The following MYH9 variants were observed in gnomAD, a reference collection of about 807,000 sequenced individuals.
MYH9 encodes myosin-9.
Under a neutral mutation model 241.9 loss-of-function variants are expected in MYH9, and 29 were observed. The observed-to-expected ratio is 0.12, with a 90% CI of 0.09 to 0.16. The LOEUF (loss-of-function observed/expected upper bound fraction) is 0.16, where lower values mean the gene tolerates loss of function less well. Among genes scored for constraint, MYH9 ranks in the 10% least tolerant of loss-of-function variants. The probability of loss-of-function intolerance (pLI) is 1.00; values close to 1 mark genes in which losing one functional copy is unlikely to be tolerated. For synonymous variants in MYH9, 1,047 were observed against 1,062.6 expected (o/e 0.99, Z 0.29); for missense variants, 1,803 against 2,595.5 (o/e 0.69, Z 6.63).
At position 36,312,154 on chromosome 22, in the gene MYH9, G is replaced by A. The variant is rs1250135251; in HGVS notation, c.1623C>T (p.Ser541=). The A allele has an allele frequency of 5.6e-6, 9 of 1,614,110 alleles. No homozygotes were observed. The African/African-American group carries it at 1.2e-4, about 22-fold the overall frequency. ...GCTCCTGCATCACCTTCTCCACGAA[G>A]CTCTTGTCGGTGGCTTTGGGGAACC... The part of the protein sequence containing the change: ...ECWFPKATDK[S]FVEKVMQEQG... Residue 541 remains serine (S), a synonymous_variant, in exon 14 of 41, where the codon AGC becomes AGT. Transcript: ENST00000216181.
chr22:36,297,341 G>A lies in MYH9; in HGVS notation c.3101-327C>T, dbSNP rs1459767817. On this transcript the variant is annotated intron_variant, in intron 24 of 40. Transcript: ENST00000216181. The stretch of plus-strand genomic sequence containing the variant: ...CTCTAAAAAACATGTTCAATTGTGT[G>A]TGAATCTGAACTTATATAATGGAAC... 5 of 333,328 alleles carry A rather than the reference G, an allele frequency of 1.5e-5. No individual in the cohort carries two copies. The East Asian group carries it at 3.5e-4, about 23-fold the overall frequency. The allele number at this position is 333,328 out of a possible 1,614,324, so 20.6% of individuals were successfully genotyped here.
chr22:36,323,379 C>T (rs1376000320), intron 5 of MYH9, among the ~76,000 whole-genome samples: 1 of 152,256 alleles, frequency 6.6e-6, no homozygotes. Context: ...GCAACAGGCC[C>T]ATGCCACCAG....
Position 36,293,065 on chromosome 22 carries a change from T to C in MYH9, c.4095+264A>G, listed in dbSNP as rs908432846. Among the ~76,000 whole-genome samples, 2 of 152,216 alleles carry C rather than the reference T, an allele frequency of 1.3e-5. No individual in the cohort carries two copies. Among genetic ancestry groups the C allele is most frequent in the African/African-American group, 4.8e-5 (2 of 41,456 alleles). ...CATGGCTTGCTGCCTACATCCATAA[T>C]GGAAGCAATGCTGAATTTCAGCTAA... On this transcript the variant is annotated intron_variant, in intron 30 of 40. Transcript: ENST00000216181. The surrounding 1 kb of genome is among the most constrained non-coding windows in gnomAD (Gnocchi z 5.1).
Position 36,349,101 on chromosome 22 carries a change from G to A in MYH9, c.136C>T (p.Leu46Phe), listed in dbSNP as rs147122501. Residue 46 changes from leucine to phenylalanine, a missense_variant, in exon 2 of 41, where the codon CTC (leucine) becomes TTC (phenylalanine). By Grantham distance (22) the Leu-to-Phe change is conservative. Transcript: ENST00000216181. ...SDKSGFEPAS[L>F]KEEVGEEAIV... ...GCCTCTTCGCCCACCTCCTCCTTGA[G>A]GCTGGCTGGCTCAAAGCCACTCTTG... 4.5e-3 allele frequency: 7,296 copies of A among 1,614,202 alleles called. 74 individuals are homozygous for A. Among genetic ancestry groups the A allele is most frequent in the Non-Finnish European group, 3.8e-3 (4,484 of 1,180,044 alleles).
chr22:36,314,172 C>T lies in MYH9; in HGVS notation c.1527G>A (p.Gln509=). 1 of 1,614,224 alleles carries T rather than the reference C, an allele frequency of 6.2e-7. No individual in the cohort carries two copies. The highest frequency in any genetic ancestry group is 8.5e-7 in the Non-Finnish European group (1 of 1,180,020). The change falls in exon 13 of 41, where the codon CAG becomes CAA. Residue 509 remains glutamine (Q), a synonymous_variant. Coordinates refer to ENST00000216181, the MANE Select transcript of MYH9 (RefSeq NM_002473.6). The part of the protein sequence containing the change: ...WNFIDFGLDL[Q]PCIDLIEKPA... ...GCTTCTCAATGAGGTCGATGCAGGG[C>T]TGCAGGTCGAGGCCAAAGTCGATGA...
chr22:36,371,443 G>C (rs2018088490), intron 1 of MYH9, among the ~76,000 whole-genome samples: 1 of 152,174 alleles, frequency 6.6e-6, no homozygotes. Context: ...CCTTGATCTT[G>C]CATTTCCAGC....
intron 2 of MYH9, among the ~76,000 whole-genome samples, chr22:36,345,084 G>C (rs925667495): frequency 6.6e-6 from 1 of 152,098 alleles, no homozygotes; most frequent in Non-Finnish European, 1.5e-5. Context: ...AGGCCGAGGC[G>C]GGAGGATCAC....
intron 27 of MYH9, 67 bp downstream of exon 27, chr22:36,294,865 T>G: frequency 6.3e-7 from 1 of 1,598,106 alleles, no homozygotes. Context: ...GCAGGACTGG[T>G]TTGGATTCTG....
At chr22:36,283,723 C>T (rs1377623821) in intron 40 of MYH9, among the ~76,000 whole-genome samples, 4 of 152,286 alleles carry the variant, frequency 2.6e-5, no homozygotes, top group African/African-American at 9.6e-5. Context: ...TGAGTGTTAA[C>T]ACTCCCTGAG....
At chr22:36,384,594 AAAAAAAAAAAAAAAAAAATATATATATAT>A (rs1245633644) in intron 1 of MYH9, among the ~76,000 whole-genome samples, 2 of 40,352 alleles carry the variant, frequency 5.0e-5, no homozygotes, top group Non-Finnish European at 9.8e-5. Flanking sequence ...AAAAAAAAAA[AAAAAAAAAAAAAAAAAAATATATATATAT>A]ATATATATAT....
intron 1 of MYH9, among the ~76,000 whole-genome samples, chr22:36,368,494 T>C (rs184592925): frequency 5.9e-5 from 9 of 152,224 alleles, no homozygotes; most frequent in Non-Finnish European, 1.0e-4. Flanking sequence ...AGGCGTCACA[T>C]AGGACCTGGT....
intron 14 of MYH9, among the ~76,000 whole-genome samples, chr22:36,310,522 C>A (rs2017044302): frequency 6.6e-6 from 1 of 152,264 alleles, no homozygotes; most frequent in South Asian, 2.1e-4. Context: ...ACACAAACTG[C>A]AGCCCAGAGG....
In MYH9 at chr22:36,370,545, C is replaced by T. The variant is rs898625336; in HGVS notation, c.-20+17262G>A. Among the ~76,000 whole-genome samples, 12 of 152,348 alleles carry T rather than the reference C, an allele frequency of 7.9e-5. No homozygotes were observed. In the East Asian group the frequency reaches 1.7e-3, roughly 22 times the overall value. ...GTGGCATAAGCGAAGCATTTGGCAA[C>T]GCACGCTCGAACCGCAGCCATCCAA... is the stretch of plus-strand genomic sequence containing the variant. On this transcript the variant is annotated intron_variant, in intron 1 of 40. Transcript: ENST00000216181.
In MYH9 at chr22:36,303,604, C is replaced by T. The variant is rs530453530; in HGVS notation, c.2390+391G>A. Reference sequence around the variant, plus strand: ...TCGAGACCAGCCTGGGCAACAATGACGAAACCCCGTCTCTACTAAAAATAC... The same window carrying T: ...TCGAGACCAGCCTGGGCAACAATGATGAAACCCCGTCTCTACTAAAAATAC... On this transcript the variant is annotated intron_variant, in intron 19 of 40. Coordinates refer to ENST00000216181, the MANE Select transcript of MYH9 (RefSeq NM_002473.6). Among the ~76,000 whole-genome samples the T allele has an allele frequency of 1.7e-4, 26 of 151,644 alleles. No individual in the cohort carries two copies. The South Asian group carries it at 2.3e-3, about 13-fold the overall frequency.
intron 3 of MYH9, among the ~76,000 whole-genome samples, chr22:36,335,486 C>G (rs557023120): frequency 6.6e-6 from 1 of 152,334 alleles, no homozygotes; most frequent in Non-Finnish European, 1.5e-5. Flanking sequence ...CATGGCGCTC[C>G]TTCCTCAGCT....
chr22:36,320,670 A>ACTCTCACTTCTCC lies in MYH9; in HGVS notation c.868+115_868+127dup. On this transcript the variant is annotated intron_variant, in intron 8 of 40. Coordinates refer to ENST00000216181, the MANE Select transcript of MYH9 (RefSeq NM_002473.6). The surrounding 1 kb of genome is among the most constrained non-coding windows in gnomAD (Gnocchi z 4.8). ...TAGGATGGCGCAGAGAACAGGAGTC[A>ACTCTCACTTCTCC]CTCTCACTTCTCCCCGTTAAACCCA... is the stretch of plus-strand genomic sequence containing the variant. 1.3e-6 allele frequency: 1 copy of ACTCTCACTTCTCC among 799,188 alleles called. No homozygotes were observed. Among genetic ancestry groups the ACTCTCACTTCTCC allele is most frequent in the Non-Finnish European group, 2.1e-6 (1 of 475,796 alleles). 49.5% of individuals were successfully genotyped at this position (799,188 alleles called of 1,614,324 possible). A position where few individuals can be genotyped will look rare whatever the true frequency, so the allele number is the denominator to read the frequency against.
chr22:36,294,102 G>A lies in MYH9; in HGVS notation c.3827C>T (p.Thr1276Ile). Residue 1276 changes from threonine (T) to isoleucine (I), a missense_variant, in exon 28 of 41, where the codon ACC becomes ATC. Physicochemically the swap from Thr to Ile is moderately conservative, Grantham distance 89. Transcript: ENST00000216181. ...RVRTELADKV[T>I]KLQVELDNVT... is the part of the protein sequence containing the mutation. ...TGGCGGAGGCCTCACCTGCAGCTTG[G>A]TGACCTTGTCGGCCAGCTCTGTGCG... 9 of 1,608,958 alleles carry A rather than the reference G, an allele frequency of 5.6e-6. No individual in the cohort carries two copies. The highest frequency in any genetic ancestry group is 7.6e-6 in the Non-Finnish European group (9 of 1,179,894).
rs876657892 is a variant in MYH9 at position 36,288,899 on chromosome 22, T to C, written c.4598A>G (p.Gln1533Arg). 2.5e-6 allele frequency: 4 copies of C among 1,614,114 alleles called. No homozygotes were observed. The highest frequency in any genetic ancestry group is 3.4e-6 in the Non-Finnish European group (4 of 1,180,034). The change falls in exon 33 of 41, where the codon CAG becomes CGG. Residue 1533 changes from glutamine (Q) to arginine (R), a missense_variant. This residue lies in a region of MYH9 where 876 missense variants were observed against 1,077.8 expected (regional missense o/e 0.81). Coordinates refer to ENST00000216181, the MANE Select transcript of MYH9 (RefSeq NM_002473.6). This position sits in a 1 kb window ranked among gnomAD's most constrained non-coding sequence, Gnocchi z 4.8. ...LEKSKRALEQ[Q>R]VEEMKTQLEE... Reference sequence around the variant, plus strand: ...CAGCTGCGTCTTCATCTCCTCCACCTGCTGCTCTAGGGCCCGCTTGGACTT... The same window carrying C: ...CAGCTGCGTCTTCATCTCCTCCACCCGCTGCTCTAGGGCCCGCTTGGACTT...
intron 2 of MYH9, among the ~76,000 whole-genome samples, chr22:36,348,029 T>G (rs1490158205): frequency 6.8e-6 from 1 of 147,858 alleles, no homozygotes; most frequent in Non-Finnish European, 1.5e-5. Flanking sequence ...TTTTAAAATA[T>G]TTCATTATTT....
Sources: allele counts gnomAD v4.1 joint callset (sites outside exome capture counted in the v4.1 genomes callset), GRCh38; gene constraint gnomAD v4.1.1; regional missense constraint gnomAD v4.1.1; non-coding constraint Gnocchi (gnomAD v3.1); transcripts MANE v1.5; gene names NCBI Gene and HGNC (gene_info 2026-07-23, HGNC 2026-07-21).